Variants in SGCZ observed in about 807,000 individuals in gnomAD.
SGCZ encodes zeta-sarcoglycan.
In SGCZ, 40 loss-of-function variants were observed where a neutral mutation model predicts 41.3. That is an observed-to-expected ratio of 0.97 (90% CI 0.75 to 1.26). The LOEUF (loss-of-function observed/expected upper bound fraction) is 1.26. Ranked by LOEUF, SGCZ falls within the 50% of genes most tolerant of loss-of-function variation. SGCZ has a pLI of 0.00. For synonymous variants in SGCZ, 206 were observed against 137.5 expected, an observed-to-expected ratio of 1.50 and a Z score of -3.49; for missense variants, 552 against 369.8, an observed-to-expected ratio of 1.49 and a Z score of -4.04.
At chr8:14,563,962 G>A (rs961760765) in intron 1 of SGCZ, among the ~76,000 whole-genome samples, 2 of 152,086 alleles carry the variant, frequency 1.3e-5, no homozygotes, top group African/African-American at 4.8e-5. Flanking sequence ...ATGCACAAAT[G>A]TTGGAGGTAA....
intron 3 of SGCZ, among the ~76,000 whole-genome samples, chr8:14,244,186 CCTCCTCCTCTTCCTTCT>C (rs1241039386): frequency 3.5e-4 from 4 of 11,352 alleles, no homozygotes; most frequent in Non-Finnish European, 8.3e-4. Context: ...CTTCCTTCTT[CCTCCTCCTCTTCCTTCT>C]TCCTCCTCTT....
intron 1 of SGCZ, among the ~76,000 whole-genome samples, chr8:15,032,364 C>T (rs1803705314): frequency 6.6e-6 from 1 of 152,166 alleles, no homozygotes; most frequent in African/African-American, 2.4e-5. Flanking sequence ...ATCAGCACTA[C>T]TCCAACCCTA....
chr8:14,783,199 C>T (rs751201241), intron 1 of SGCZ, among the ~76,000 whole-genome samples: 2 of 152,008 alleles, frequency 1.3e-5, no homozygotes, highest in East Asian at 1.9e-4. Context: ...TTTGGGAGGC[C>T]GAGGTGGGCG....
chr8:15,214,506 T>C (rs992697440), intron 1 of SGCZ, among the ~76,000 whole-genome samples: 1 of 152,244 alleles, frequency 6.6e-6, no homozygotes, highest in South Asian at 2.1e-4. Flanking sequence ...TTATATAATA[T>C]CTAGTATACT....
intron 5 of SGCZ, among the ~76,000 whole-genome samples, chr8:14,114,874 T>G (rs1802477325): frequency 6.6e-6 from 1 of 151,994 alleles, no homozygotes; most frequent in Non-Finnish European, 1.5e-5. Flanking sequence ...TTATTATTTC[T>G]ATTCCTTTTA....
chr8:14,265,533 G>A (rs1382915647), intron 3 of SGCZ, among the ~76,000 whole-genome samples: 1 of 152,028 alleles, frequency 6.6e-6, no homozygotes, highest in Non-Finnish European at 1.5e-5. Context: ...TGTTAGCTCT[G>A]TTTAGAAACA....
chr8:14,309,595 A>G (rs1801460872), intron 3 of SGCZ: 1 of 1,610,780 alleles, frequency 6.2e-7, no homozygotes, highest in Admixed American at 1.7e-5. Context: ...CTTCATCCAA[A>G]GATAGTGACT....
intron 2 of SGCZ, among the ~76,000 whole-genome samples, chr8:14,476,885 C>A (rs1442197809): frequency 6.6e-6 from 1 of 152,134 alleles, no homozygotes; most frequent in Non-Finnish European, 1.5e-5. Flanking sequence ...CAGAAAGAGA[C>A]AGACATTCAT....
At chr8:14,719,202 C>CA (rs1429781115) in intron 1 of SGCZ, among the ~76,000 whole-genome samples, 4 of 149,696 alleles carry the variant, frequency 2.7e-5, no homozygotes, top group African/African-American at 5.0e-5. Context: ...TTTATGGCTG[C>CA]ATAGTATTCC....
At chr8:14,263,069 A>AT (rs1197832450) in intron 3 of SGCZ, among the ~76,000 whole-genome samples, 8 of 152,112 alleles carry the variant, frequency 5.3e-5, no homozygotes, top group East Asian at 1.9e-4. Context: ...TGTTTCATGA[A>AT]TTTTTTCTGC....
At chr8:14,115,041 C>G (rs1293371962) in intron 5 of SGCZ, among the ~76,000 whole-genome samples, 1 of 151,716 alleles carries the variant, frequency 6.6e-6, no homozygotes, top group Non-Finnish European at 1.5e-5. Flanking sequence ...TAATTCCTAC[C>G]TCCAAAAAAA....
At chr8:14,630,312 G>A (rs560810816) in intron 1 of SGCZ, among the ~76,000 whole-genome samples, 96 of 151,958 alleles carry the variant, frequency 6.3e-4, no homozygotes, top group Non-Finnish European at 9.3e-4. Flanking sequence ...GCCTCTAGTG[G>A]GCTGTTCTAA....
chr8:14,529,341 C>G (rs1803053942), intron 2 of SGCZ, among the ~76,000 whole-genome samples: 1 of 152,156 alleles, frequency 6.6e-6, no homozygotes, highest in Non-Finnish European at 1.5e-5. Flanking sequence ...GCCCTGTATT[C>G]CTGCTGACTA....
chr8:14,484,827 C>G (rs1447516044), intron 2 of SGCZ, among the ~76,000 whole-genome samples: 1 of 152,070 alleles, frequency 6.6e-6, no homozygotes, highest in Non-Finnish European at 1.5e-5. Flanking sequence ...GATCATTTAG[C>G]TCTAAGTTAA....
At chr8:14,595,678 T>C (rs1226079979) in intron 1 of SGCZ, among the ~76,000 whole-genome samples, 1 of 152,152 alleles carries the variant, frequency 6.6e-6, no homozygotes. Context: ...CTAAAACTCT[T>C]CCACCTTTAA....
intron 1 of SGCZ, among the ~76,000 whole-genome samples, chr8:15,071,722 C>A (rs1805355806): frequency 6.6e-6 from 1 of 152,056 alleles, no homozygotes; most frequent in Non-Finnish European, 1.5e-5. Flanking sequence ...TAAAGACCAG[C>A]TTTTGTAACC....
chr8:14,394,371 G>A (rs912997797), intron 2 of SGCZ, among the ~76,000 whole-genome samples: 1 of 151,866 alleles, frequency 6.6e-6, no homozygotes, highest in Non-Finnish European at 1.5e-5. Flanking sequence ...GGATGGTCTC[G>A]ATCTCCTGAC....
intron 1 of SGCZ, among the ~76,000 whole-genome samples, chr8:14,623,428 TAAC>T (rs1806349439): frequency 6.6e-6 from 1 of 152,156 alleles, no homozygotes; most frequent in South Asian, 2.1e-4. Context: ...GTTGAACACA[TAAC>T]AAGAGAAGAG....
intron 1 of SGCZ, among the ~76,000 whole-genome samples, chr8:14,636,056 C>T (rs1350788294): frequency 4.0e-5 from 6 of 151,138 alleles, no homozygotes; most frequent in Non-Finnish European, 7.4e-5. Context: ...ACGAAACTAA[C>T]CTAGTAAAGG....
Sources: allele counts gnomAD v4.1 joint callset (sites outside exome capture counted in the v4.1 genomes callset), GRCh38; gene constraint gnomAD v4.1.1; transcripts MANE v1.5; gene names NCBI Gene and HGNC (gene_info 2026-07-23, HGNC 2026-07-21).